The following CDS1 variants were observed in gnomAD, a reference collection of about 807,000 sequenced individuals.
The protein encoded by CDS1 is phosphatidate cytidylyltransferase 1.
A neutral mutation model predicts 62.1 loss-of-function variants in CDS1; 41 were observed. That is an observed-to-expected ratio of 0.66 (90% CI 0.51 to 0.86). The LOEUF (loss-of-function observed/expected upper bound fraction) is 0.86, where lower values mean the gene tolerates loss of function less well. Ranked by LOEUF, CDS1 falls within the 40% of genes least tolerant of loss-of-function variation. The probability of loss-of-function intolerance (pLI) is 0.00; values close to 1 mark genes in which losing one functional copy is unlikely to be tolerated. For synonymous variants in CDS1, 185 were observed against 192.6 expected (o/e 0.96, Z 0.32); for missense variants, 470 against 550.1 (o/e 0.85, Z 1.46).
At chr4:84,592,266 G>A (rs533458716) in intron 1 of CDS1, among the ~76,000 whole-genome samples, 142 of 134,952 alleles carry the variant, frequency 1.1e-3, no homozygotes, top group Non-Finnish European at 1.6e-3. Flanking sequence ...CCCGCTCCCC[G>A]TTTCAAGCAA....
intron 9 of CDS1, among the ~76,000 whole-genome samples, chr4:84,639,954 A>G (rs937710257): frequency 6.6e-6 from 1 of 152,034 alleles, no homozygotes; most frequent in South Asian, 2.1e-4. Context: ...TTACAAAGCG[A>G]GAATAATTAA....
chr4:84,633,735 C>G (rs1320166000), intron 6 of CDS1, 122 bp from the exon 7 acceptor site: 1 of 474,764 alleles, frequency 2.1e-6, no homozygotes, highest in African/African-American at 2.0e-5. Context: ...TTTTATATGA[C>G]TCTAACTTGT....
intron 9 of CDS1, among the ~76,000 whole-genome samples, chr4:84,640,335 G>A (rs1415629685): frequency 1.3e-5 from 2 of 151,732 alleles, no homozygotes; most frequent in Admixed American, 6.6e-5. Context: ...TTTATAACAG[G>A]ATATCTTATT....
At chr4:84,601,751 A>G (rs186983107) in intron 1 of CDS1, among the ~76,000 whole-genome samples, 109 of 152,122 alleles carry the variant, frequency 7.2e-4, no homozygotes, top group African/African-American at 2.6e-3. Flanking sequence ...CATCTTTACT[A>G]AAAATACAAA....
intron 4 of CDS1, among the ~76,000 whole-genome samples, chr4:84,618,499 A>G (rs941165583): frequency 5.3e-5 from 8 of 152,242 alleles, no homozygotes; most frequent in African/African-American, 1.9e-4. Context: ...GGTGTCAAAC[A>G]AGAGGTAAAA....
chr4:84,606,661 C>T (rs1723103753), intron 2 of CDS1, among the ~76,000 whole-genome samples: 1 of 151,996 alleles, frequency 6.6e-6, no homozygotes, highest in Admixed American at 6.6e-5. Flanking sequence ...AGGGAAATCC[C>T]TTGGTCAAGT....
At chr4:84,590,005 G>T (rs961213990) in intron 1 of CDS1, among the ~76,000 whole-genome samples, 1 of 152,140 alleles carries the variant, frequency 6.6e-6, no homozygotes, top group Non-Finnish European at 1.5e-5. Context: ...TAGAGACGGG[G>T]TTTCACAGTG....
rs113753764 is a variant in CDS1, at chr4:84,631,774, T to G, written c.581-45T>G. 1.5e-5 allele frequency: 23 copies of G among 1,531,182 alleles called. No individual in the cohort carries two copies. The African/African-American group carries it at 2.2e-4, about 15-fold the overall frequency. 94.8% of individuals were successfully genotyped at this position (1,531,182 alleles called of 1,614,324 possible). ...TTGGGCTCAAGGAATCTTAACCCTT[T>G]GTACCAAATTGTACAACGAGCACAT... is the stretch of plus-strand genomic sequence containing the variant. On this transcript the variant is annotated intron_variant, in intron 5 of 12. Coordinates refer to ENST00000295887, the MANE Select transcript of CDS1 (RefSeq NM_001263.4).
chr4:84,642,888 A>T, intron 10 of CDS1, 136 bp from the exon 11 acceptor site: 1 of 828,188 alleles, frequency 1.2e-6, no homozygotes, highest in Non-Finnish European at 1.9e-6. Flanking sequence ...CTTGATCCTT[A>T]AAGTTTGAAA....
chr4:84,604,995 A>G (rs951386205), intron 2 of CDS1, among the ~76,000 whole-genome samples: 1 of 152,226 alleles, frequency 6.6e-6, no homozygotes, highest in Non-Finnish European at 1.5e-5. Context: ...ATATTTGTGC[A>G]ACATTTAAAA....
chr4:84,639,598 T>TA (rs752784391), intron 9 of CDS1, among the ~76,000 whole-genome samples: 1 of 152,214 alleles, frequency 6.6e-6, no homozygotes, highest in Non-Finnish European at 1.5e-5. Context: ...AATGAGAGTA[T>TA]AGTACCATAG....
chr4:84,586,368 G>A (rs1435414064), intron 1 of CDS1, among the ~76,000 whole-genome samples: 1 of 152,172 alleles, frequency 6.6e-6, no homozygotes, highest in Admixed American at 6.5e-5. Flanking sequence ...CCCTGAGCTT[G>A]TTATCCTGCA....
At chr4:84,600,263 A>G (rs561806197) in intron 1 of CDS1, among the ~76,000 whole-genome samples, 1 of 152,264 alleles carries the variant, frequency 6.6e-6, no homozygotes, top group East Asian at 1.9e-4. Flanking sequence ...CCAGATTACA[A>G]GTCCTTTGTT....
intron 8 of CDS1, among the ~76,000 whole-genome samples, chr4:84,635,612 TGCCTGCCTGCCTGCCTTCCTTCCTTCC>T (rs1724163797): frequency 2.0e-5 from 2 of 100,564 alleles, no homozygotes; most frequent in Non-Finnish European, 4.0e-5. Context: ...CCTGCCTGCC[TGCCTGCCTGCCTGCCTTCCTTCCTTCC>T]TTCCTTCCTT....
At chr4:84,588,670 TG>T (rs575475483) in intron 1 of CDS1, among the ~76,000 whole-genome samples, 1 of 151,904 alleles carries the variant, frequency 6.6e-6, no homozygotes, top group East Asian at 1.9e-4. Flanking sequence ...CATTTCTGGA[TG>T]GGGGGGCCAC....
chr4:84,646,608 T>A (rs1379336920), intron 12 of CDS1, among the ~76,000 whole-genome samples: 3 of 152,190 alleles, frequency 2.0e-5, no homozygotes, highest in Admixed American at 2.0e-4. Flanking sequence ...TTTTTTCACT[T>A]TCCTCCCTTA....
chr4:84,627,414 T>G (rs958146536), intron 5 of CDS1, among the ~76,000 whole-genome samples: 1 of 152,158 alleles, frequency 6.6e-6, no homozygotes, highest in Non-Finnish European at 1.5e-5. Context: ...AAACAAACGT[T>G]TTCTCTAGAG....
chr4:84,602,940 G>A (rs1405464386), intron 1 of CDS1, among the ~76,000 whole-genome samples: 3 of 152,060 alleles, frequency 2.0e-5, no homozygotes, highest in African/African-American at 4.8e-5. Context: ...TCGTAATTGT[G>A]TACTTAAAAA....
At chr4:84,597,299 A>G (rs896995405) in intron 1 of CDS1, among the ~76,000 whole-genome samples, 1 of 152,180 alleles carries the variant, frequency 6.6e-6, no homozygotes, top group Non-Finnish European at 1.5e-5. Flanking sequence ...TTAGTGTAGG[A>G]TAGGACCACA....
Sources: gnomAD v4.1 joint callset for allele counts (sites outside exome capture counted in the v4.1 genomes callset) on GRCh38, gnomAD v4.1.1 for gene constraint, MANE v1.5 for transcripts, NCBI Gene and HGNC (gene_info 2026-07-23, HGNC 2026-07-21) for gene names.